Variants in STK32B observed in about 807,000 individuals in gnomAD.
STK32B encodes serine/threonine-protein kinase 32B.
Under a neutral mutation model 52.6 loss-of-function variants are expected in STK32B, and 43 were observed. The observed-to-expected ratio is 0.82, with a 90% CI of 0.64 to 1.05. The LOEUF is 1.05. Among genes scored for constraint, STK32B ranks in the 50% least tolerant of loss-of-function variants. The pLI is 0.00. For synonymous variants in STK32B, 238 were observed against 204.3 expected, an observed-to-expected ratio of 1.17 and a Z score of -1.41; for missense variants, 621 against 534.6, an observed-to-expected ratio of 1.16 and a Z score of -1.59.
intron 2 of STK32B, among the ~76,000 whole-genome samples, chr4:5,160,649 A>T (rs1039473323): frequency 6.6e-6 from 1 of 152,202 alleles, no homozygotes; most frequent in Non-Finnish European, 1.5e-5. Flanking sequence ...TGACTCATTC[A>T]TTCATTCAGC....
intron 2 of STK32B, among the ~76,000 whole-genome samples, chr4:5,160,440 C>G (rs983423314): frequency 5.3e-5 from 8 of 152,136 alleles, no homozygotes; most frequent in South Asian, 4.1e-4. Context: ...GAGGCTGTGC[C>G]CTCTCCTGGT....
At chr4:5,147,721 A>C (rs1717020830) in intron 2 of STK32B, among the ~76,000 whole-genome samples, 1 of 152,014 alleles carries the variant, frequency 6.6e-6, no homozygotes, top group African/African-American at 2.4e-5. Context: ...AAATTACATT[A>C]ATTTCCAAAT....
In STK32B at chr4:5,262,349, G is replaced by A. The variant is rs1398144231; in HGVS notation, c.261-68871G>A. ...GCCATTAAAAATGGCAGTGTGTGCCGGGCGCAGTGGCTCACACCTGTAATC... is the reference window on the plus strand; with the variant it reads ...GCCATTAAAAATGGCAGTGTGTGCCAGGCGCAGTGGCTCACACCTGTAATC... On this transcript the variant is annotated intron_variant, in intron 3 of 11. Transcript: ENST00000282908. Among the ~76,000 whole-genome samples, 4 of 152,034 alleles carry A rather than the reference G, an allele frequency of 2.6e-5. No homozygotes were observed. In the East Asian group the frequency reaches 5.8e-4, roughly 22 times the overall value.
At chr4:5,083,270 T>A (rs1354853856) in intron 1 of STK32B, among the ~76,000 whole-genome samples, 1 of 152,232 alleles carries the variant, frequency 6.6e-6, no homozygotes, top group East Asian at 1.9e-4. Context: ...GATTTAGAAA[T>A]CTATATCCTC....
intron 2 of STK32B, among the ~76,000 whole-genome samples, chr4:5,142,779 A>G (rs1308063981): frequency 6.6e-6 from 1 of 152,254 alleles, no homozygotes; most frequent in Non-Finnish European, 1.5e-5. Flanking sequence ...TGTTTGGTCA[A>G]ACATCGATCT....
At chr4:5,423,962 C>G (rs898652859) in intron 6 of STK32B, among the ~76,000 whole-genome samples, 5 of 152,122 alleles carry the variant, frequency 3.3e-5, no homozygotes, top group Admixed American at 3.3e-4. Context: ...TACTCAGCTG[C>G]AGCTGCAGAC....
chr4:5,196,499 G>A (rs552476896), intron 3 of STK32B, among the ~76,000 whole-genome samples: 11 of 151,732 alleles, frequency 7.2e-5, no homozygotes, highest in Non-Finnish European at 1.6e-4. Context: ...ACGGTGCGTA[G>A]ATCACGAGGT....
chr4:5,065,913 AG>A (rs1486850976), intron 1 of STK32B, among the ~76,000 whole-genome samples: 12 of 152,032 alleles, frequency 7.9e-5, no homozygotes, highest in African/African-American at 2.7e-4. Context: ...TAGTAGTGAC[AG>A]GGTTTCACTA....
intron 2 of STK32B, among the ~76,000 whole-genome samples, chr4:5,144,142 G>GAGC (rs1224158507): frequency 1.3e-4 from 20 of 152,330 alleles, no homozygotes; most frequent in African/African-American, 4.8e-4. Context: ...AGCTCAGCAA[G>GAGC]TGTTGATGAG....
At chr4:5,312,231 C>G (rs1730338948) in intron 3 of STK32B, among the ~76,000 whole-genome samples, 1 of 149,610 alleles carries the variant, frequency 6.7e-6, no homozygotes, top group African/African-American at 2.5e-5. Context: ...TTTCTAGAAG[C>G]TTTATGGTTT....
At chr4:5,143,908 C>T (rs1311545774) in intron 2 of STK32B, among the ~76,000 whole-genome samples, 1 of 152,222 alleles carries the variant, frequency 6.6e-6, no homozygotes, top group East Asian at 1.9e-4. Context: ...CCAGCCTCCA[C>T]CAGCCAGGAT....
At chr4:5,236,729 A>G (rs1231348995) in intron 3 of STK32B, among the ~76,000 whole-genome samples, 6 of 152,204 alleles carry the variant, frequency 3.9e-5, no homozygotes, top group African/African-American at 1.4e-4. Flanking sequence ...ATGCGTTGCT[A>G]TACGGTATTG....
At chr4:5,104,558 A>G (rs79183840) in intron 1 of STK32B, among the ~76,000 whole-genome samples, 96 of 152,354 alleles carry the variant, frequency 6.3e-4, no homozygotes, top group African/African-American at 2.1e-3. Context: ...ACCTACAGCA[A>G]AGTGCATAAG....
In STK32B at chr4:5,079,540, C is replaced by T. The variant is rs114516959; in HGVS notation, c.52+27625C>T. On this transcript the variant is annotated intron_variant, in intron 1 of 11. Transcript: ENST00000282908. ...GTTGCTTAGAGAGTTAGAAAATTTT[C>T]ATACATGGTTATTACTATGTGTCTA... Among the ~76,000 whole-genome samples, 578 of 152,268 alleles carry T rather than the reference C, an allele frequency of 3.8e-3. 6 individuals are homozygous for T. Among genetic ancestry groups the T allele is most frequent in the African/African-American group, 0.013 (556 of 41,548 alleles).
rs373174194 is a variant in STK32B, at chr4:5,486,357, AGGC to A, written c.1107-12587_1107-12585del. Among the ~76,000 whole-genome samples, 59 of 152,234 alleles carry A rather than the reference AGGC, an allele frequency of 3.9e-4. 1 individual carries two copies. Among genetic ancestry groups the A allele is most frequent in the African/African-American group, 1.3e-3 (56 of 41,546 alleles). ...CAGACTGCTGTGGTAGCAATGAGCG[AGGC>A]TCCGTGGGTGTAGGATCCTCCCAGC... is the stretch of plus-strand genomic sequence containing the variant. On this transcript the variant is annotated intron_variant, in intron 11 of 11. Coordinates refer to ENST00000282908, the MANE Select transcript of STK32B (RefSeq NM_018401.3).
At chr4:5,351,240 A>G (rs1380594122) in intron 4 of STK32B, among the ~76,000 whole-genome samples, 2 of 152,132 alleles carry the variant, frequency 1.3e-5, no homozygotes, top group Non-Finnish European at 2.9e-5. Flanking sequence ...CAAATTTTTA[A>G]AAATTGAAAT....
chr4:5,076,308 G>C (rs993501648), intron 1 of STK32B, among the ~76,000 whole-genome samples: 3 of 152,114 alleles, frequency 2.0e-5, no homozygotes, highest in Non-Finnish European at 4.4e-5. Context: ...TTTAACAATT[G>C]CATATTATCC....
At chr4:5,356,190 T>G (rs1734160311) in intron 4 of STK32B, among the ~76,000 whole-genome samples, 1 of 152,164 alleles carries the variant, frequency 6.6e-6, no homozygotes, top group Admixed American at 6.5e-5. Context: ...TCTTGCCTTC[T>G]GGTAGCATTC....
chr4:5,319,800 G>A (rs1303491805), intron 3 of STK32B, among the ~76,000 whole-genome samples: 1 of 152,074 alleles, frequency 6.6e-6, no homozygotes, highest in African/African-American at 2.4e-5. Flanking sequence ...GCTGACTCTG[G>A]GCTGAAACTC....
Sources: gnomAD v4.1 joint callset for allele counts (sites outside exome capture counted in the v4.1 genomes callset) on GRCh38, gnomAD v4.1.1 for gene constraint, MANE v1.5 for transcripts, NCBI Gene and HGNC (gene_info 2026-07-23, HGNC 2026-07-21) for gene names.